The following LMX1B variants were observed in gnomAD, a reference collection of about 807,000 sequenced individuals.
LMX1B encodes LIM homeobox transcription factor 1 beta.
A neutral mutation model predicts 51.4 loss-of-function variants in LMX1B; 12 were observed. The observed-to-expected ratio is 0.23, with a 90% CI of 0.15 to 0.38. The LOEUF (loss-of-function observed/expected upper bound fraction) is 0.38. Ranked by LOEUF, LMX1B falls within the 10% of genes least tolerant of loss-of-function variation. The pLI is 1.00. For missense variants in LMX1B, 445 were observed against 571.1 expected (o/e 0.78, Z 2.25); for synonymous variants, 237 against 235.4 (o/e 1.01, Z -0.06).
At chr9:126,689,293 G>A (rs2030024532) in intron 2 of LMX1B, among the ~76,000 whole-genome samples, 1 of 152,196 alleles carries the variant, frequency 6.6e-6, no homozygotes, top group South Asian at 2.1e-4. Flanking sequence ...AGCTCGCCGT[G>A]GGCGGTTCTG....
chr9:126,688,847 C>T (rs543368493), intron 2 of LMX1B, among the ~76,000 whole-genome samples: 9 of 152,320 alleles, frequency 5.9e-5, no homozygotes, highest in African/African-American at 1.7e-4. Flanking sequence ...TAAACACTCA[C>T]GGAGGCCCCC....
chr9:126,693,029 G>A, intron 3 of LMX1B, 113 bp from the exon 4 acceptor site: 3 of 1,131,682 alleles, frequency 2.7e-6, no homozygotes, highest in Non-Finnish European at 3.8e-6. Flanking sequence ...AGCCACGGCA[G>A]GTGTCAACAG....
At chr9:126,663,549 T>C (rs1564159698) in intron 2 of LMX1B, among the ~76,000 whole-genome samples, 1 of 152,264 alleles carries the variant, frequency 6.6e-6, no homozygotes, top group Non-Finnish European at 1.5e-5. Flanking sequence ...AGCCTCAGTT[T>C]TCTCATTTAT....
chr9:126,691,371 T>G (rs1303589361), intron 3 of LMX1B, among the ~76,000 whole-genome samples: 1 of 151,930 alleles, frequency 6.6e-6, no homozygotes, highest in East Asian at 1.9e-4. Context: ...CTACCCTGAG[T>G]ATGGATACAT....
Position 126,696,399 on chromosome 9 carries a change from G to T in LMX1B, c.1157G>T (p.Gly386Val), listed in dbSNP as rs2030337646. Residue 386 changes from glycine (G) to valine (V), a missense_variant, in exon 8 of 8, where the codon GGG (glycine) becomes GTG (valine). This residue lies in a region of LMX1B where 162 missense variants were observed against 187.8 expected (regional missense o/e 0.86). Coordinates refer to ENST00000373474, the MANE Select transcript of LMX1B (RefSeq NM_001174147.2). ...GTGGGCTCCCTGCAGGCCCGCGTGG[G>T]GAACCCCATCGACCGGCTCTACTCC... ...SDVGSLQARVGNPIDRLYSMQ... is the reference protein window; with the variant it reads ...SDVGSLQARVVNPIDRLYSMQ... 1 of 1,613,978 alleles carries T rather than the reference G, an allele frequency of 6.2e-7. No homozygotes were observed. Among genetic ancestry groups the T allele is most frequent in the Non-Finnish European group, 8.5e-7 (1 of 1,179,990 alleles).
At chr9:126,620,332 G>A (rs761979252) in intron 2 of LMX1B, among the ~76,000 whole-genome samples, 6 of 152,346 alleles carry the variant, frequency 3.9e-5, no homozygotes, top group South Asian at 2.1e-4. Context: ...TAGCAGCTGT[G>A]TGATCTTCGC....
Position 126,693,617 on chromosome 9 carries a change from C to T in LMX1B, c.819+16C>T. 6.2e-7 allele frequency: 1 copy of T among 1,613,918 alleles called. No individual in the cohort carries two copies. Among genetic ancestry groups the T allele is most frequent in the East Asian group, 2.2e-5 (1 of 44,874 alleles). On this transcript the variant is annotated intron_variant, in intron 5 of 7. Coordinates refer to ENST00000373474, the MANE Select transcript of LMX1B (RefSeq NM_001174147.2). ...AAGAGCAAAGGTAAGAGGCCACCCC[C>T]CATCCCCACTGGCCCCGGGTAGGGT...
intron 2 of LMX1B, among the ~76,000 whole-genome samples, chr9:126,678,835 A>G (rs1361201316): frequency 1.3e-5 from 2 of 152,218 alleles, no homozygotes; most frequent in Non-Finnish European, 2.9e-5. Flanking sequence ...AAAGTAGAAA[A>G]TTATTTGACT....
At chr9:126,669,288 C>T (rs754362196) in intron 2 of LMX1B, among the ~76,000 whole-genome samples, 7 of 151,814 alleles carry the variant, frequency 4.6e-5, no homozygotes, top group Non-Finnish European at 8.8e-5. Flanking sequence ...TATGAGAACT[C>T]CCGGCGGATG....
intron 2 of LMX1B, among the ~76,000 whole-genome samples, chr9:126,682,868 C>G (rs1283774637): frequency 7.5e-6 from 1 of 132,992 alleles, no homozygotes; most frequent in African/African-American, 2.8e-5. Context: ...GCACTCCAGC[C>G]TGGGTGACAG....
intron 2 of LMX1B, among the ~76,000 whole-genome samples, chr9:126,682,581 C>T (rs1836696104): frequency 6.6e-6 from 1 of 152,170 alleles, no homozygotes. Flanking sequence ...CAGCGCCGGC[C>T]CGCACATAGT....
At chr9:126,670,472 C>T (rs189595731) in intron 2 of LMX1B, among the ~76,000 whole-genome samples, 166 of 152,190 alleles carry the variant, frequency 1.1e-3, no homozygotes, top group African/African-American at 3.9e-3. Flanking sequence ...TCAGATTTGC[C>T]GGCATATTGT....
At chr9:126,660,030 T>G (rs1028151712) in intron 2 of LMX1B, among the ~76,000 whole-genome samples, 1 of 71,232 alleles carries the variant, frequency 1.4e-5, no homozygotes, top group Non-Finnish European at 3.6e-5. Context: ...TGTGTGGGGG[T>G]GTCTACACTG....
intron 2 of LMX1B, among the ~76,000 whole-genome samples, chr9:126,670,147 T>G (rs549516010): frequency 6.6e-6 from 1 of 152,252 alleles, no homozygotes; most frequent in South Asian, 2.1e-4. Context: ...ATATACCAGC[T>G]GGGCCCCCAG....
chr9:126,627,375 C>T lies in LMX1B; in HGVS notation c.326+11806C>T, dbSNP rs551799497. ...TATGCAGTGATAGAATGCCCTGCTT[C>T]TTCCTGCCAGCTGGAGCCCTTCTGC... On this transcript the variant is annotated intron_variant, in intron 2 of 7. Transcript: ENST00000373474. Among the ~76,000 whole-genome samples the T allele has an allele frequency of 5.3e-5, 8 of 152,208 alleles. No individual in the cohort carries two copies. In the South Asian group the frequency reaches 1.5e-3, roughly 28 times the overall value.
At chr9:126,665,786 G>A (rs1836332630) in intron 2 of LMX1B, among the ~76,000 whole-genome samples, 1 of 152,200 alleles carries the variant, frequency 6.6e-6, no homozygotes, top group African/African-American at 2.4e-5. Flanking sequence ...ACCTCGGTGG[G>A]GCCAGCCCAT....
intron 2 of LMX1B, among the ~76,000 whole-genome samples, chr9:126,643,065 C>T (rs1234747388): frequency 6.6e-6 from 1 of 152,214 alleles, no homozygotes; most frequent in Non-Finnish European, 1.5e-5. Context: ...AGGGGCACAG[C>T]TTGCTGGTGT....
At chr9:126,653,299 T>C (rs575292339) in intron 2 of LMX1B, among the ~76,000 whole-genome samples, 1 of 151,858 alleles carries the variant, frequency 6.6e-6, no homozygotes, top group South Asian at 2.1e-4. Context: ...GGACTACAGG[T>C]GAATGCCACC....
At chr9:126,689,243 C>T (rs1276357112) in intron 2 of LMX1B, among the ~76,000 whole-genome samples, 1 of 152,194 alleles carries the variant, frequency 6.6e-6, no homozygotes, top group Admixed American at 6.5e-5. Flanking sequence ...GCCCAGGCAG[C>T]ATGCAGAGCT....
Sources: allele counts gnomAD v4.1 joint callset (sites outside exome capture counted in the v4.1 genomes callset), GRCh38; gene constraint gnomAD v4.1.1; regional missense constraint gnomAD v4.1.1; transcripts MANE v1.5; gene names NCBI Gene and HGNC (gene_info 2026-07-23, HGNC 2026-07-21).